Variants in PPARGC1B observed in about 807,000 individuals in gnomAD.
The protein encoded by PPARGC1B is peroxisome proliferator-activated receptor gamma coactivator 1-beta.
In PPARGC1B, 34 loss-of-function variants were observed where a neutral mutation model predicts 101.6. The observed-to-expected ratio is 0.33, with a 90% CI of 0.25 to 0.45. The LOEUF (loss-of-function observed/expected upper bound fraction) is 0.45, where lower values mean the gene tolerates loss of function less well. PPARGC1B is among the 20% of genes least tolerant of loss of function. The pLI, the probability that PPARGC1B is intolerant of heterozygous loss-of-function variation, is 1.00. For synonymous variants in PPARGC1B, 548 were observed against 539.3 expected, an observed-to-expected ratio of 1.02 and a Z score of -0.22; for missense variants, 1,234 against 1,317.6, an observed-to-expected ratio of 0.94 and a Z score of 0.98.
intron 1 of PPARGC1B, among the ~76,000 whole-genome samples, chr5:149,793,488 A>G (rs1313250541): frequency 1.3e-5 from 2 of 151,942 alleles, no homozygotes; most frequent in East Asian, 3.9e-4. Context: ...GGTGCATCAC[A>G]CCCCAGTTTC....
At chr5:149,856,109 C>A (rs1476794659), downstream of PPARGC1B, among the ~76,000 whole-genome samples, 2 of 152,198 alleles carry the variant, frequency 1.3e-5, no homozygotes, top group African/African-American at 4.8e-5. Flanking sequence ...AAGACTCCAT[C>A]TCAAAATAAA....
chr5:149,844,918 G>A (rs1759495137), intron 10 of PPARGC1B, among the ~76,000 whole-genome samples: 1 of 152,154 alleles, frequency 6.6e-6, no homozygotes, highest in Non-Finnish European at 1.5e-5. Flanking sequence ...GTTGCAGAGT[G>A]GCTGCCTGTA....
intron 3 of PPARGC1B, among the ~76,000 whole-genome samples, chr5:149,829,155 T>C (rs1362301082): frequency 6.6e-6 from 1 of 152,194 alleles, no homozygotes; most frequent in Non-Finnish European, 1.5e-5. Flanking sequence ...TGTAAGGACC[T>C]GTGGACCTCT....
chr5:149,774,365 G>T (rs919430947), intron 1 of PPARGC1B, among the ~76,000 whole-genome samples: 6 of 152,262 alleles, frequency 3.9e-5, no homozygotes, highest in Admixed American at 3.9e-4. Flanking sequence ...TAAAAATCTG[G>T]CATAGCCCTG....
chr5:149,813,085 G>T (rs1757924325), intron 1 of PPARGC1B, among the ~76,000 whole-genome samples: 1 of 152,186 alleles, frequency 6.6e-6, no homozygotes, highest in Admixed American at 6.5e-5. Context: ...AGTAACAGCT[G>T]CTGAGGCTCT....
Position 149,850,850 on chromosome 5 carries a change from T to G in PPARGC1B, c.*3292T>G, listed in dbSNP as rs1311598454. ...ACTAAGTGGAATTCTTCCATCTCCTTCCTCAGTCTGTACAAGGCTGAATCA... is the reference window on the plus strand; with the variant it reads ...ACTAAGTGGAATTCTTCCATCTCCTGCCTCAGTCTGTACAAGGCTGAATCA... On this transcript the variant is annotated 3_prime_UTR_variant, in exon 12 of 12. Coordinates refer to ENST00000309241, the MANE Select transcript of PPARGC1B (RefSeq NM_133263.4). 1 of 151,934 alleles carries G rather than the reference T, an allele frequency of 6.6e-6. No homozygotes were observed. Among genetic ancestry groups the G allele is most frequent in the Non-Finnish European group, 1.5e-5 (1 of 68,026 alleles). The allele number at this position is 151,934 out of a possible 1,614,324, so 9.4% of individuals were successfully genotyped here.
chr5:149,734,863 A>G (rs1580992671), intron 1 of PPARGC1B, among the ~76,000 whole-genome samples: 1 of 152,144 alleles, frequency 6.6e-6, no homozygotes, highest in Non-Finnish European at 1.5e-5. Flanking sequence ...CTTCTTCCCC[A>G]TATGATCATG....
At chr5:149,855,347 C>T (rs1315143831), downstream of PPARGC1B, among the ~76,000 whole-genome samples, 11 of 152,198 alleles carry the variant, frequency 7.2e-5, no homozygotes, top group East Asian at 2.1e-3. Context: ...AATAACCATT[C>T]AGACTCATCT....
chr5:149,844,820 G>T (rs556845758), intron 10 of PPARGC1B, among the ~76,000 whole-genome samples: 3 of 152,330 alleles, frequency 2.0e-5, no homozygotes, highest in African/African-American at 7.2e-5. Flanking sequence ...CAGATGATAT[G>T]TCAGTCGGGA....
intron 8 of PPARGC1B, among the ~76,000 whole-genome samples, chr5:149,839,625 C>T (rs755674492): frequency 9.9e-5 from 15 of 152,146 alleles, no homozygotes; most frequent in Non-Finnish European, 1.6e-4. Flanking sequence ...AAGCAAATCC[C>T]ATCTCAAACC....
At chr5:149,746,570 A>G (rs1302582460) in intron 1 of PPARGC1B, among the ~76,000 whole-genome samples, 2 of 152,222 alleles carry the variant, frequency 1.3e-5, no homozygotes, top group African/African-American at 4.8e-5. Flanking sequence ...TGGGTGCACA[A>G]ATATCTCTTG....
chr5:149,803,646 C>T (rs1757502969), intron 1 of PPARGC1B, among the ~76,000 whole-genome samples: 1 of 152,186 alleles, frequency 6.6e-6, no homozygotes, highest in Non-Finnish European at 1.5e-5. Context: ...TTTCCTAGTT[C>T]AGGTGCCTGT....
intron 1 of PPARGC1B, among the ~76,000 whole-genome samples, chr5:149,757,348 AT>A (rs34114070): frequency 0.43 from 63,961 of 148,498 alleles, 13,650 homozygotes; most frequent in Non-Finnish European, 0.45. Flanking sequence ...GTGTTTGAGC[AT>A]TTTTTTTTTT....
chr5:149,784,514 T>C (rs1238547265), intron 1 of PPARGC1B, among the ~76,000 whole-genome samples: 1 of 149,270 alleles, frequency 6.7e-6, no homozygotes, highest in Non-Finnish European at 1.5e-5. Flanking sequence ...TACCTCACCC[T>C]CGTCCCTCCC....
intron 1 of PPARGC1B, among the ~76,000 whole-genome samples, chr5:149,733,253 A>T (rs141859616): frequency 6.6e-6 from 1 of 152,180 alleles, no homozygotes; most frequent in Non-Finnish European, 1.5e-5. Flanking sequence ...ACTTTTACCC[A>T]TTGGGGCCAA....
chr5:149,850,183 G>A lies in PPARGC1B; in HGVS notation c.*2625G>A, dbSNP rs947159362. The A allele has an allele frequency of 6.6e-6, 1 of 152,198 alleles. No individual in the cohort carries two copies. The highest frequency in any genetic ancestry group is 1.5e-5 in the Non-Finnish European group (1 of 68,044). The allele number at this position is 152,198 out of a possible 1,614,324, so 9.4% of individuals were successfully genotyped here. On this transcript the variant is annotated 3_prime_UTR_variant, in exon 12 of 12. Coordinates refer to ENST00000309241, the MANE Select transcript of PPARGC1B (RefSeq NM_133263.4). ...GAGTTGGTCCATATATGATCTCTTA[G>A]CCCCTCCTATTTGCTTCTTCCTTGA...
intron 1 of PPARGC1B, among the ~76,000 whole-genome samples, chr5:149,807,362 A>G (rs1757639525): frequency 6.6e-6 from 1 of 151,712 alleles, no homozygotes; most frequent in Non-Finnish European, 1.5e-5. Context: ...CCCACACAAC[A>G]TGGCAAGGAA....
At chr5:149,743,085 C>A (rs1754966448) in intron 1 of PPARGC1B, among the ~76,000 whole-genome samples, 1 of 152,004 alleles carries the variant, frequency 6.6e-6, no homozygotes, top group Non-Finnish European at 1.5e-5. Flanking sequence ...CTTACTCTGG[C>A]CTTCCCTGGA....
intron 1 of PPARGC1B, among the ~76,000 whole-genome samples, chr5:149,743,563 C>T (rs148254380): frequency 6.8e-4 from 104 of 152,296 alleles, no homozygotes; most frequent in African/African-American, 2.3e-3. Flanking sequence ...ACACTGTAGG[C>T]CCCCAATAAA....
Sources: allele counts gnomAD v4.1 joint callset (sites outside exome capture counted in the v4.1 genomes callset), GRCh38; gene constraint gnomAD v4.1.1; transcripts MANE v1.5; gene names NCBI Gene and HGNC (gene_info 2026-07-23, HGNC 2026-07-21).